CHMP1A: variants seen among roughly 807,000 people sequenced by gnomAD.
CHMP1A encodes charged multivesicular body protein 1A, also known as VPS46 homolog A.
A neutral mutation model predicts 27.0 loss-of-function variants in CHMP1A; 17 were observed. That is an observed-to-expected ratio of 0.63 (90% CI 0.43 to 0.95). The LOEUF is 0.95. CHMP1A is among the 40% of genes least tolerant of loss of function. The pLI, the probability that CHMP1A is intolerant of heterozygous loss-of-function variation, is 0.00. For synonymous variants in CHMP1A, 131 were observed against 107.5 expected, an observed-to-expected ratio of 1.22 and a Z score of -1.35; for missense variants, 275 against 264.0, an observed-to-expected ratio of 1.04 and a Z score of -0.29.
At position 89,644,636 on chromosome 16, in the gene CHMP1A, T is replaced by G. The variant is rs1007912443; in HGVS notation, c.*1430A>C. 4 of 152,312 alleles carry G rather than the reference T, an allele frequency of 2.6e-5. No individual in the cohort carries two copies. Among genetic ancestry groups the G allele is most frequent in the Non-Finnish European group, 5.9e-5 (4 of 68,126 alleles). 9.4% of individuals were successfully genotyped at this position (152,312 alleles called of 1,614,324 possible). A position where few individuals can be genotyped will look rare whatever the true frequency, so the allele number is the denominator to read the frequency against. On this transcript the variant is annotated 3_prime_UTR_variant, in exon 7 of 7. Coordinates refer to ENST00000397901, the MANE Select transcript of CHMP1A (RefSeq NM_002768.5). ...ACACCAGGGTTGATTTTGGGGAGGC[T>G]GGAGGGAACCACGTCTAGGACCTAC...
At position 89,645,835 on chromosome 16, in the gene CHMP1A, G is replaced by C. The variant is rs937234561; in HGVS notation, c.*231C>G. 172 of 1,424,786 alleles carry C rather than the reference G, an allele frequency of 1.2e-4. No individual in the cohort carries two copies. Among genetic ancestry groups the C allele is most frequent in the Non-Finnish European group, 1.5e-4 (160 of 1,059,764 alleles). 88.3% of individuals were successfully genotyped at this position (1,424,786 alleles called of 1,614,324 possible). On this transcript the variant is annotated 3_prime_UTR_variant, in exon 7 of 7. Transcript: ENST00000397901. The stretch of plus-strand genomic sequence containing the variant: ...TCCCCGCTGTGGGCCCAGAGTCACA[G>C]AAATCACCCCCAGAAATTTGCAGAA...
chr16:89,657,073 G>A (rs1410991720), intron 1 of CHMP1A, among the ~76,000 whole-genome samples: 2 of 149,572 alleles, frequency 1.3e-5, no homozygotes, highest in East Asian at 4.0e-4. Context: ...TCGAGGCCTG[G>A]GGGGAGGGGT....
intron 5 of CHMP1A, 118 bp from the exon 6 acceptor site, chr16:89,646,832 C>G: frequency 8.4e-7 from 1 of 1,184,976 alleles, no homozygotes; most frequent in Non-Finnish European, 1.2e-6. Flanking sequence ...ACCTTCTTGC[C>G]CTGTTCTCTC....
intron 2 of CHMP1A, among the ~76,000 whole-genome samples, chr16:89,653,074 G>A (rs182829326): frequency 7.4e-6 from 1 of 134,726 alleles, no homozygotes; most frequent in South Asian, 2.3e-4. Flanking sequence ...CTGGAGTGCA[G>A]TGGCACAATC....
chr16:89,653,977 T>C, intron 1 of CHMP1A, 54 bp from the exon 2 acceptor site: 2 of 1,587,272 alleles, frequency 1.3e-6, no homozygotes, highest in Non-Finnish European at 1.7e-6. Flanking sequence ...GACGTTACAC[T>C]TCTGGCAGGC....
rs533469842 is a variant in CHMP1A at position 89,657,575 on chromosome 16, C to G, written c.7+7G>C. On this transcript the variant is annotated splice_region_variant and intron_variant, in intron 1 of 6. Transcript: ENST00000397901. The stretch of plus-strand genomic sequence containing the variant: ...CGAGTCCCCGGAGGACGGCCGCGAC[C>G]TCTTACCGTCCATGGCCACAATGAC... 1 of 1,611,094 alleles carries G rather than the reference C, an allele frequency of 6.2e-7. No homozygotes were observed.
Position 89,653,855 on chromosome 16 carries a change from T to A in CHMP1A, c.27+49A>T, listed in dbSNP as rs774765837. ...CTCTGAGTGAGCGTGGCTTATACTA[T>A]CTGTCCTCACCAGAACAGGGCTGGG... On this transcript the variant is annotated intron_variant, in intron 2 of 6. Coordinates refer to ENST00000397901, the MANE Select transcript of CHMP1A (RefSeq NM_002768.5). 10 of 1,592,348 alleles carry A rather than the reference T, an allele frequency of 6.3e-6. No individual in the cohort carries two copies. The East Asian group carries it at 2.2e-4, about 36-fold the overall frequency.
intron 1 of CHMP1A, among the ~76,000 whole-genome samples, chr16:89,656,881 G>T (rs1025075205): frequency 6.6e-6 from 1 of 152,154 alleles, no homozygotes; most frequent in Non-Finnish European, 1.5e-5. Flanking sequence ...TGCCAGGGGC[G>T]GGGGAAAGGG....
rs1299230036 is a variant in CHMP1A at position 89,653,927 on chromosome 16, CA to C, written c.8-5del. 2 of 1,613,428 alleles carry C rather than the reference CA, an allele frequency of 1.2e-6. No individual in the cohort carries two copies. The highest frequency in any genetic ancestry group is 1.7e-6 in the Non-Finnish European group (2 of 1,179,630). ...ACCTTCAACTGGAACAGGGTATCTG[CA>C]AAGAAAGAGGGAATTAATGGTTTGA... On this transcript the variant is annotated splice_region_variant and splice_polypyrimidine_tract_variant and intron_variant, in intron 1 of 6. Transcript: ENST00000397901.
chr16:89,645,815 G>A lies in CHMP1A; in HGVS notation c.*251C>T, dbSNP rs1302930416. The A allele has an allele frequency of 5.4e-5, 67 of 1,234,420 alleles. No individual in the cohort carries two copies. The highest frequency in any genetic ancestry group is 6.7e-5 in the Non-Finnish European group (61 of 905,674). 76.5% of individuals were successfully genotyped at this position (1,234,420 alleles called of 1,614,324 possible). On this transcript the variant is annotated 3_prime_UTR_variant, in exon 7 of 7. Transcript: ENST00000397901. Reference sequence around the variant, plus strand: ...CCACAGGGCCCCTCTTGGCCTCCCCGCTGTGGGCCCAGAGTCACAGAAATC... The same window carrying A: ...CCACAGGGCCCCTCTTGGCCTCCCCACTGTGGGCCCAGAGTCACAGAAATC...
At chr16:89,651,467 T>C in intron 3 of CHMP1A, 102 bp downstream of exon 3, 2 of 921,832 alleles carry the variant, frequency 2.2e-6, no homozygotes, top group South Asian at 1.5e-5. Flanking sequence ...GCCCTGCCCC[T>C]CCCCAAAAGG....
At chr16:89,647,507 C>A (rs750848206) in intron 4 of CHMP1A, among the ~76,000 whole-genome samples, 176 bp from the exon 5 acceptor site, 1 of 152,098 alleles carries the variant, frequency 6.6e-6, no homozygotes, top group Non-Finnish European at 1.5e-5. Context: ...ACCAACTCGA[C>A]GGAAAAGGCC....
Position 89,645,491 on chromosome 16 carries a change from A to G in CHMP1A, c.*575T>C. 1 of 168,802 alleles carries G rather than the reference A, an allele frequency of 5.9e-6. No homozygotes were observed. 10.5% of individuals were successfully genotyped at this position (168,802 alleles called of 1,614,324 possible). On this transcript the variant is annotated 3_prime_UTR_variant, in exon 7 of 7. Coordinates refer to ENST00000397901, the MANE Select transcript of CHMP1A (RefSeq NM_002768.5). ...GGGAGCGCAGGAGGCCAGGGGGCTCAGCCAGCTGGTAGGGGCGGCCGAGAC... is the reference window on the plus strand; with the variant it reads ...GGGAGCGCAGGAGGCCAGGGGGCTCGGCCAGCTGGTAGGGGCGGCCGAGAC...
intron 2 of CHMP1A, 85 bp from the exon 3 acceptor site, chr16:89,651,731 A>C: frequency 7.4e-7 from 1 of 1,345,356 alleles, no homozygotes; most frequent in Non-Finnish European, 1.0e-6. Context: ...ACCTGTGCCC[A>C]CACCTGTGCC....
rs540014537 is a variant in CHMP1A, at chr16:89,649,687, T to C, written c.106-190A>G. ...GCCCCCCAGGTTCATGCCATTCTCC[T>C]GCCTCAGCCTCCCGAGTAGTTGGGA... On this transcript the variant is annotated intron_variant, in intron 3 of 6. Transcript: ENST00000397901. 1.3e-3 allele frequency: 820 copies of C among 617,312 alleles called. 7 individuals are homozygous for C. In the African/African-American group the frequency reaches 0.014, roughly 11 times the overall value. 38.2% of individuals were successfully genotyped at this position (617,312 alleles called of 1,614,324 possible).
intron 6 of CHMP1A, 91 bp from the exon 7 acceptor site, chr16:89,646,178 C>T: frequency 1.6e-6 from 2 of 1,216,030 alleles, no homozygotes; most frequent in Non-Finnish European, 2.3e-6. Context: ...TTTTCCTCCT[C>T]AGTGTCCTGA....
intron 3 of CHMP1A, among the ~76,000 whole-genome samples, chr16:89,650,118 G>A (rs1039745373): frequency 3.3e-5 from 5 of 152,166 alleles, no homozygotes; most frequent in African/African-American, 4.8e-5. Flanking sequence ...AGTCCAATAC[G>A]CTGGGACCTA....
chr16:89,653,696 C>T (rs1027858358), intron 2 of CHMP1A, among the ~76,000 whole-genome samples: 1 of 151,358 alleles, frequency 6.6e-6, no homozygotes, highest in Non-Finnish European at 1.5e-5. Context: ...AAGGATCTGC[C>T]TCCACTTAGC....
At chr16:89,650,078 G>T (rs2059812432) in intron 3 of CHMP1A, among the ~76,000 whole-genome samples, 1 of 152,172 alleles carries the variant, frequency 6.6e-6, no homozygotes, top group Non-Finnish European at 1.5e-5. Flanking sequence ...ATTCTCCCTG[G>T]GAGCCTGGCT....
Sources: gnomAD v4.1 joint callset for allele counts (sites outside exome capture counted in the v4.1 genomes callset) on GRCh38, gnomAD v4.1.1 for gene constraint, MANE v1.5 for transcripts, NCBI Gene and HGNC (gene_info 2026-07-23, HGNC 2026-07-21) for gene names.